SGCZ: variants seen among roughly 807,000 people sequenced by gnomAD.
SGCZ encodes sarcoglycan zeta.
In SGCZ, 40 loss-of-function variants were observed where a neutral mutation model predicts 41.3. That is an observed-to-expected ratio of 0.97 (90% confidence interval 0.75 to 1.26). The LOEUF (loss-of-function observed/expected upper bound fraction) is 1.26. Among genes scored for constraint, SGCZ ranks in the 50% most tolerant of loss-of-function variants. The pLI is 0.00. For synonymous variants in SGCZ, 206 were observed against 137.5 expected, an observed-to-expected ratio of 1.50 and a Z score of -3.49; for missense variants, 552 against 369.8, an observed-to-expected ratio of 1.49 and a Z score of -4.04.
At chr8:14,503,929 T>A (rs1585604141) in intron 2 of SGCZ, among the ~76,000 whole-genome samples, 1 of 152,164 alleles carries the variant, frequency 6.6e-6, no homozygotes, top group East Asian at 1.9e-4. Context: ...ATTGTGCAGT[T>A]GAAAATGAAA....
At chr8:14,127,193 G>A (rs1441543156) in intron 5 of SGCZ, among the ~76,000 whole-genome samples, 2 of 151,854 alleles carry the variant, frequency 1.3e-5, no homozygotes, top group Non-Finnish European at 2.9e-5. Context: ...AATAAATGAG[G>A]CTGAATTATT....
chr8:14,704,600 G>A (rs1257678327), intron 1 of SGCZ, among the ~76,000 whole-genome samples: 3 of 151,840 alleles, frequency 2.0e-5, no homozygotes, highest in Non-Finnish European at 4.4e-5. Context: ...TGTGACTGTG[G>A]GCAGTTAATC....
intron 3 of SGCZ, among the ~76,000 whole-genome samples, chr8:14,250,035 A>G (rs1194326386): frequency 6.6e-6 from 1 of 152,208 alleles, no homozygotes; most frequent in African/African-American, 2.4e-5. Flanking sequence ...TCATCTGAAG[A>G]TATTTCTAAA....
intron 1 of SGCZ, among the ~76,000 whole-genome samples, chr8:14,650,216 C>T (rs905937657): frequency 6.6e-6 from 1 of 152,002 alleles, no homozygotes; most frequent in Admixed American, 6.6e-5. Context: ...GACACTACAG[C>T]CAGCAAATGG....
At chr8:14,704,028 C>T (rs981225460) in intron 1 of SGCZ, among the ~76,000 whole-genome samples, 2 of 151,878 alleles carry the variant, frequency 1.3e-5, no homozygotes, top group African/African-American at 4.8e-5. Context: ...GAAATTAGCC[C>T]ACATAGCCTC....
intron 1 of SGCZ, among the ~76,000 whole-genome samples, chr8:14,853,248 A>G (rs1803405664): frequency 6.6e-6 from 1 of 152,222 alleles, no homozygotes; most frequent in South Asian, 2.1e-4. Flanking sequence ...GGAGGTAATG[A>G]TCAAAATGCT....
At chr8:14,704,247 C>G (rs1280227464) in intron 1 of SGCZ, among the ~76,000 whole-genome samples, 9 of 151,882 alleles carry the variant, frequency 5.9e-5, no homozygotes, top group African/African-American at 2.2e-4. Context: ...TTGCCAAGAC[C>G]TATGTTGAGT....
chr8:14,760,540 C>G (rs949069517), intron 1 of SGCZ, among the ~76,000 whole-genome samples: 1 of 152,064 alleles, frequency 6.6e-6, no homozygotes, highest in African/African-American at 2.4e-5. Flanking sequence ...TATTTTATAA[C>G]CATGTAAAAT....
intron 2 of SGCZ, among the ~76,000 whole-genome samples, chr8:14,353,369 GTAGTGATT>G (rs1803171153): frequency 6.6e-6 from 1 of 151,988 alleles, no homozygotes; most frequent in Admixed American, 6.6e-5. Flanking sequence ...ACATACCTGT[GTAGTGATT>G]TAATCTTGAT....
intron 7 of SGCZ, among the ~76,000 whole-genome samples, chr8:14,098,612 A>G (rs1317262203): frequency 1.3e-5 from 2 of 152,176 alleles, no homozygotes; most frequent in African/African-American, 4.8e-5. Context: ...GCAAACTCTG[A>G]GACTGTGGTG....
intron 1 of SGCZ, among the ~76,000 whole-genome samples, chr8:14,862,216 A>T (rs1038496861): frequency 6.6e-6 from 1 of 152,014 alleles, no homozygotes; most frequent in Admixed American, 6.6e-5. Flanking sequence ...CTATTATTCA[A>T]ATTGGAAACC....
chr8:15,090,543 G>A (rs534086137), intron 1 of SGCZ, among the ~76,000 whole-genome samples: 4 of 152,088 alleles, frequency 2.6e-5, no homozygotes, highest in Non-Finnish European at 5.9e-5. Flanking sequence ...TTCTAGAAAC[G>A]CAATTCAAAC....
intron 1 of SGCZ, among the ~76,000 whole-genome samples, chr8:15,004,123 C>T (rs747434374): frequency 6.6e-6 from 1 of 152,032 alleles, no homozygotes; most frequent in East Asian, 1.9e-4. Context: ...CGTAAGACCC[C>T]CAGTAATCGC....
chr8:15,006,278 A>C (rs1402607787), intron 1 of SGCZ, among the ~76,000 whole-genome samples: 1 of 152,164 alleles, frequency 6.6e-6, no homozygotes, highest in Non-Finnish European at 1.5e-5. Flanking sequence ...TTTTCTATAA[A>C]AGCTTCCAGT....
At chr8:14,721,200 T>A (rs2102516) in intron 1 of SGCZ, among the ~76,000 whole-genome samples, 114,191 of 152,010 alleles carry the variant, frequency 0.75, 42,904 homozygotes, top group Admixed American at 0.79. Context: ...TTACTAACAC[T>A]CATTTATTTG....
At chr8:15,029,760 G>T (rs1563451081) in intron 1 of SGCZ, among the ~76,000 whole-genome samples, 2 of 151,870 alleles carry the variant, frequency 1.3e-5, no homozygotes, top group Admixed American at 1.3e-4. Flanking sequence ...CTCTGTTTTG[G>T]GTAGCACAGT....
At chr8:14,327,099 A>C (rs2117041128) in intron 2 of SGCZ, among the ~76,000 whole-genome samples, 1 of 152,340 alleles carries the variant, frequency 6.6e-6, no homozygotes, top group African/African-American at 2.4e-5. Flanking sequence ...ATAGTCAAAG[A>C]ATGGCAAATG....
chr8:14,672,485 T>C (rs909108464), intron 1 of SGCZ, among the ~76,000 whole-genome samples: 1 of 152,220 alleles, frequency 6.6e-6, no homozygotes, highest in Non-Finnish European at 1.5e-5. Context: ...GAAGTGCTAT[T>C]ATTAGAATAT....
chr8:14,635,076 T>C (rs569566762), intron 1 of SGCZ, among the ~76,000 whole-genome samples: 1 of 67,268 alleles, frequency 1.5e-5, no homozygotes, highest in Non-Finnish European at 3.5e-5. Flanking sequence ...TTTAAAAACA[T>C]ATAGAAATTT....
Sources: gnomAD v4.1 joint callset for allele counts (sites outside exome capture counted in the v4.1 genomes callset) on GRCh38, gnomAD v4.1.1 for gene constraint, MANE v1.5 for transcripts, NCBI Gene and HGNC (gene_info 2026-07-23, HGNC 2026-07-21) for gene names.